The following CD244 variants were observed in gnomAD, a reference collection of about 807,000 sequenced individuals.
CD244 encodes natural killer cell receptor 2B4.
CD244 carries 20 observed loss-of-function variants against 45.5 expected under a neutral mutation model. The observed-to-expected ratio is 0.44, with a 90% CI of 0.31 to 0.64. The LOEUF (loss-of-function observed/expected upper bound fraction) is 0.64. Ranked by LOEUF, CD244 falls within the 30% of genes least tolerant of loss-of-function variation. The pLI is 0.08. For synonymous variants in CD244, 185 were observed against 160.5 expected (o/e 1.15, Z -1.15); for missense variants, 407 against 426.9 (o/e 0.95, Z 0.41).
chr1:160,836,303 C>T lies in CD244; in HGVS notation c.835-49G>A, dbSNP rs762937641. 5 of 1,466,274 alleles carry T rather than the reference C, an allele frequency of 3.4e-6. No homozygotes were observed. In the Admixed American group the frequency reaches 8.5e-5, roughly 25 times the overall value. 90.8% of individuals were successfully genotyped at this position (1,466,274 alleles called of 1,614,324 possible). A position where few individuals can be genotyped will look rare whatever the true frequency, so the allele number is the denominator to read the frequency against. On this transcript the variant is annotated intron_variant, in intron 5 of 8. Transcript: ENST00000368034. ...TAACATGAGCGACAGTTCGGTCTGT[C>T]CAGATTTAGATTGAGTGGGGAAAAA...
Position 160,837,234 on chromosome 1 carries a change from G to A in CD244, c.835-980C>T, listed in dbSNP as rs1669365800. Among the ~76,000 whole-genome samples, 3 of 152,180 alleles carry A rather than the reference G, an allele frequency of 2.0e-5. No homozygotes were observed. In the South Asian group the frequency reaches 6.2e-4, roughly 32 times the overall value. ...TAAGCTAATAGGCCTGAATCCCAAA[G>A]AGGTTTCCTTTGCTCTAAGTTGTTT... is the stretch of plus-strand genomic sequence containing the variant. On this transcript the variant is annotated intron_variant, in intron 5 of 8. Transcript: ENST00000368034.
intron 7 of CD244, 122 bp from the exon 8 acceptor site, chr1:160,832,697 G>GA: frequency 6.5e-7 from 1 of 1,540,314 alleles, no homozygotes; most frequent in Non-Finnish European, 8.8e-7. Context: ...CTCTCAGCCA[G>GA]AAAATGAATA....
chr1:160,832,652 A>C, intron 7 of CD244, 77 bp from the exon 8 acceptor site: 1 of 1,596,700 alleles, frequency 6.3e-7, no homozygotes, highest in Non-Finnish European at 8.5e-7. Context: ...GAGAGGTCCC[A>C]AAAGAGACTC....
At chr1:160,840,065 T>TACTCAAGG (rs974572321) in intron 3 of CD244, among the ~76,000 whole-genome samples, 4 of 124,400 alleles carry the variant, frequency 3.2e-5, no homozygotes, top group Admixed American at 3.2e-4. Flanking sequence ...ACCCCCATTT[T>TACTCAAGG]ACTCAAGGGG....
intron 1 of CD244, among the ~76,000 whole-genome samples, chr1:160,854,278 T>G (rs1277991162): frequency 6.6e-6 from 1 of 152,230 alleles, no homozygotes; most frequent in African/African-American, 2.4e-5. Flanking sequence ...AATCCACCAG[T>G]AGATCAGAAT....
chr1:160,858,215 C>A (rs1260810677), intron 1 of CD244, among the ~76,000 whole-genome samples: 1 of 151,578 alleles, frequency 6.6e-6, no homozygotes, highest in Admixed American at 6.6e-5. Flanking sequence ...TGCCATTCAC[C>A]CTTTGTTGGA....
rs78602553 is a variant in CD244, at chr1:160,835,419, G to A, written c.894+776C>T. Among the ~76,000 whole-genome samples the A allele has an allele frequency of 4.7e-3, 712 of 152,252 alleles. 20 individuals carry two copies. The East Asian group carries it at 0.052, about 11-fold the overall frequency. On this transcript the variant is annotated intron_variant, in intron 6 of 8. Coordinates refer to ENST00000368034, the MANE Select transcript of CD244 (RefSeq NM_016382.4). Reference sequence around the variant, plus strand: ...AATGTAGACCACATCTAAAGTATTAGAACTATTTTCATGAGGCTGTTATGT... The same window carrying A: ...AATGTAGACCACATCTAAAGTATTAAAACTATTTTCATGAGGCTGTTATGT...
chr1:160,832,713 T>A (rs1199774495), intron 7 of CD244, 138 bp from the exon 8 acceptor site: 2 of 1,525,968 alleles, frequency 1.3e-6, no homozygotes, highest in Middle Eastern at 1.7e-4. Context: ...GAATAGAATC[T>A]GTCACCCTAG....
Position 160,831,342 on chromosome 1 carries a change from A to G in CD244, c.*5T>C. On this transcript the variant is annotated 3_prime_UTR_variant, in exon 9 of 9. Coordinates refer to ENST00000368034, the MANE Select transcript of CD244 (RefSeq NM_016382.4). Reference sequence around the variant, plus strand: ...GTGCAAGAAAGGTGAGAATTGCTGCAGCAACTAGGAATAAACATCAAAGTT... The same window carrying G: ...GTGCAAGAAAGGTGAGAATTGCTGCGGCAACTAGGAATAAACATCAAAGTT... The G allele has an allele frequency of 6.2e-7, 1 of 1,612,388 alleles. No homozygotes were observed. Among genetic ancestry groups the G allele is most frequent in the Non-Finnish European group, 8.5e-7 (1 of 1,178,380 alleles).
At chr1:160,842,314 A>G (rs772238157) in intron 1 of CD244, among the ~76,000 whole-genome samples, 5 of 152,042 alleles carry the variant, frequency 3.3e-5, no homozygotes, top group Non-Finnish European at 7.4e-5. Context: ...CAGTGGCGCA[A>G]TCACAGCTCA....
intron 1 of CD244, among the ~76,000 whole-genome samples, chr1:160,857,614 C>T (rs375861426): frequency 2.0e-5 from 3 of 152,108 alleles, no homozygotes; most frequent in South Asian, 2.1e-4. Flanking sequence ...TTATGGAAGA[C>T]AGAGGAAGTA....
At chr1:160,858,882 G>A (rs1476678588) in intron 1 of CD244, among the ~76,000 whole-genome samples, 1 of 152,186 alleles carries the variant, frequency 6.6e-6, no homozygotes, top group African/African-American at 2.4e-5. Context: ...TATCTACTGA[G>A]GGTTGACTTG....
At chr1:160,844,510 A>G (rs1278265925) in intron 1 of CD244, among the ~76,000 whole-genome samples, 1 of 152,214 alleles carries the variant, frequency 6.6e-6, no homozygotes, top group East Asian at 1.9e-4. Flanking sequence ...AAACGCAGCA[A>G]AAATGATGTT....
chr1:160,849,328 A>G (rs1669842650), intron 1 of CD244, among the ~76,000 whole-genome samples: 1 of 144,244 alleles, frequency 6.9e-6, no homozygotes, highest in South Asian at 2.2e-4. Flanking sequence ...ATACGTATGC[A>G]GAACATGCAG....
intron 1 of CD244, 34 bp downstream of exon 1, chr1:160,862,583 C>G: frequency 6.2e-7 from 1 of 1,602,408 alleles, no homozygotes; most frequent in Non-Finnish European, 8.5e-7. Flanking sequence ...CTCCTAGTCC[C>G]TCCCTCGCCC....
intron 1 of CD244, among the ~76,000 whole-genome samples, chr1:160,857,415 A>G (rs1670148521): frequency 1.3e-5 from 2 of 152,252 alleles, no homozygotes; most frequent in South Asian, 2.1e-4. Context: ...GAAAAGGTGA[A>G]TAAACTATGA....
chr1:160,830,800 A>G lies in CD244; in HGVS notation c.*547T>C, dbSNP rs1234227062. ...TGCAGGGAGAAAGTTTTTTCTCTGC[A>G]ATTGAGTAAAGCCCAGGCCCTGGCC... On this transcript the variant is annotated 3_prime_UTR_variant, in exon 9 of 9. Transcript: ENST00000368034. 6.5e-6 allele frequency: 1 copy of G among 153,522 alleles called. No homozygotes were observed. The highest frequency in any genetic ancestry group is 1.9e-4 in the East Asian group (1 of 5,272). 9.5% of individuals were successfully genotyped at this position (153,522 alleles called of 1,614,324 possible).
chr1:160,843,993 A>G (rs1443879558), intron 1 of CD244, among the ~76,000 whole-genome samples: 1 of 152,232 alleles, frequency 6.6e-6, no homozygotes, highest in Non-Finnish European at 1.5e-5. Flanking sequence ...ACAGAGGGCT[A>G]TACCCAAAGA....
At chr1:160,859,808 G>A (rs2101897915) in intron 1 of CD244, among the ~76,000 whole-genome samples, 1 of 152,122 alleles carries the variant, frequency 6.6e-6, no homozygotes, top group Non-Finnish European at 1.5e-5. Context: ...TACCAGGGAG[G>A]CTGAGGTGGG....
Sources: allele counts gnomAD v4.1 joint callset (sites outside exome capture counted in the v4.1 genomes callset), GRCh38; gene constraint gnomAD v4.1.1; transcripts MANE v1.5; gene names NCBI Gene and HGNC (gene_info 2026-07-23, HGNC 2026-07-21).